KCNH1: variants seen among roughly 807,000 people sequenced by gnomAD.
KCNH1 encodes the protein voltage-gated delayed rectifier potassium channel KCNH1.
In KCNH1, 27 loss-of-function variants were observed where a neutral mutation model predicts 69.2. That is an observed-to-expected ratio of 0.39 (90% confidence interval 0.29 to 0.54). KCNH1 has a LOEUF of 0.54. Ranked by LOEUF, KCNH1 falls within the 20% of genes least tolerant of loss-of-function variation. KCNH1 has a pLI of 0.68. For synonymous variants in KCNH1, 456 were observed against 487.7 expected (o/e 0.93, Z 0.86); for missense variants, 798 against 1,261.6 (o/e 0.63, Z 5.57).
chr1:211,126,408 G>A (rs887526421), intron 1 of KCNH1, among the ~76,000 whole-genome samples: 1 of 152,022 alleles, frequency 6.6e-6, no homozygotes, highest in Non-Finnish European at 1.5e-5. Context: ...TACTCGGGAG[G>A]CTGAGGCAGG....
chr1:211,081,945 A>G (rs537950779), intron 5 of KCNH1, among the ~76,000 whole-genome samples: 1 of 152,338 alleles, frequency 6.6e-6, no homozygotes, highest in Admixed American at 6.5e-5. Flanking sequence ...GTGCACATGT[A>G]CCCTAGAACT....
intron 2 of KCNH1, among the ~76,000 whole-genome samples, chr1:211,105,402 T>C (rs1291160057): frequency 2.6e-5 from 4 of 152,210 alleles, no homozygotes; most frequent in African/African-American, 7.2e-5. Flanking sequence ...TTATACCTAG[T>C]TTTCATTCAT....
At chr1:211,124,380 T>C (rs1271709121) in intron 1 of KCNH1, among the ~76,000 whole-genome samples, 1 of 152,338 alleles carries the variant, frequency 6.6e-6, no homozygotes, top group East Asian at 1.9e-4. Context: ...CACTTTTGGC[T>C]CATGCCTATA....
At chr1:210,985,701 A>C (rs896517316) in intron 6 of KCNH1, among the ~76,000 whole-genome samples, 13 of 152,164 alleles carry the variant, frequency 8.5e-5, no homozygotes, top group Admixed American at 1.3e-4. Flanking sequence ...CTTTACTTCC[A>C]ACTATGTGGT....
chr1:210,984,821 C>G (rs1688796412), intron 6 of KCNH1, among the ~76,000 whole-genome samples: 1 of 152,176 alleles, frequency 6.6e-6, no homozygotes, highest in African/African-American at 2.4e-5. Flanking sequence ...GGAGGATTCC[C>G]TCTTTTTCTA....
intron 1 of KCNH1, among the ~76,000 whole-genome samples, chr1:211,112,244 T>A (rs1691482967): frequency 6.6e-6 from 1 of 150,916 alleles, no homozygotes; most frequent in Non-Finnish European, 1.5e-5. Flanking sequence ...GCCGCTGCAC[T>A]GTCTGGGAAG....
chr1:211,131,182 T>C (rs570267205), intron 1 of KCNH1, among the ~76,000 whole-genome samples: 22 of 152,176 alleles, frequency 1.4e-4, no homozygotes, highest in Non-Finnish European at 2.6e-4. Context: ...GCAGACTAGA[T>C]AATATTTAAG....
chr1:210,831,100 T>C (rs1455384604), intron 7 of KCNH1, among the ~76,000 whole-genome samples: 1 of 152,216 alleles, frequency 6.6e-6, no homozygotes, highest in East Asian at 1.9e-4. Flanking sequence ...AAAGCGTGAT[T>C]TTGTCATAAA....
In KCNH1 at chr1:210,802,094, T is replaced by A. The variant is rs147422489; in HGVS notation, c.1662+1873A>T. 3.9e-3 allele frequency among the ~76,000 whole-genome samples: 599 copies of A among 152,300 alleles called. 4 individuals carry two copies. The highest frequency in any genetic ancestry group is 0.014 in the African/African-American group (573 of 41,564). On this transcript the variant is annotated intron_variant, in intron 8 of 10. Transcript: ENST00000271751. ...TAACAGGGTTGCTGTGGAGGCTAAA[T>A]GAGACACTAGTGCAAGACCAGGCAT... is the stretch of plus-strand genomic sequence containing the variant.
chr1:211,053,680 T>C (rs1690249355), intron 5 of KCNH1, among the ~76,000 whole-genome samples: 1 of 152,184 alleles, frequency 6.6e-6, no homozygotes, highest in African/African-American at 2.4e-5. Flanking sequence ...CTAAAACTCT[T>C]ACAGAAAAGT....
intron 10 of KCNH1, among the ~76,000 whole-genome samples, chr1:210,756,260 TG>T (rs906807699): frequency 1.3e-5 from 2 of 152,234 alleles, no homozygotes; most frequent in African/African-American, 4.8e-5. Context: ...AGAGATCTTC[TG>T]ACAGAGTTAG....
At chr1:211,021,202 C>T (rs1186596192) in intron 5 of KCNH1, among the ~76,000 whole-genome samples, 1 of 152,086 alleles carries the variant, frequency 6.6e-6, no homozygotes, top group Non-Finnish European at 1.5e-5. Flanking sequence ...AAATTGGGTT[C>T]AGTGTATACT....
Position 211,080,383 on chromosome 1 carries a change from G to A in KCNH1, c.558+2397C>T, listed in dbSNP as rs1571630752. On this transcript the variant is annotated intron_variant, in intron 5 of 10. Coordinates refer to ENST00000271751, the MANE Select transcript of KCNH1 (RefSeq NM_172362.3). ...AGGAAGAAGCAATATCATGAAAATG[G>A]CCATACTGCCCAAAGTAATTTATAG... Among the ~76,000 whole-genome samples, 3 of 152,238 alleles carry A rather than the reference G, an allele frequency of 2.0e-5. No individual in the cohort carries two copies. In the East Asian group the frequency reaches 5.8e-4, roughly 29 times the overall value.
chr1:211,049,469 AT>A (rs1323693657), intron 5 of KCNH1, among the ~76,000 whole-genome samples: 1 of 152,206 alleles, frequency 6.6e-6, no homozygotes, highest in Non-Finnish European at 1.5e-5. Context: ...TGGCTGAAAC[AT>A]AGGGGGTTTT....
intron 7 of KCNH1, among the ~76,000 whole-genome samples, chr1:210,846,818 T>C (rs912627872): frequency 1.3e-5 from 2 of 152,184 alleles, no homozygotes; most frequent in South Asian, 4.1e-4. Flanking sequence ...AGAAAATTTT[T>C]GCAACCTACT....
chr1:210,860,246 C>A (rs1685948774), intron 7 of KCNH1: 1 of 1,472,618 alleles, frequency 6.8e-7, no homozygotes, highest in Non-Finnish European at 9.5e-7. Flanking sequence ...TGAAAGACTT[C>A]AAATACAAGG....
intron 7 of KCNH1, among the ~76,000 whole-genome samples, chr1:210,898,863 A>C (rs1433108553): frequency 1.3e-5 from 2 of 152,242 alleles, no homozygotes; most frequent in Non-Finnish European, 1.5e-5. Flanking sequence ...AGGTAAAGAC[A>C]GAACAAATAG....
intron 6 of KCNH1, among the ~76,000 whole-genome samples, chr1:210,992,730 AT>A (rs1558558064): frequency 6.6e-6 from 1 of 152,170 alleles, no homozygotes; most frequent in Non-Finnish European, 1.5e-5. Flanking sequence ...TTATACATCC[AT>A]TTCAAAAAAA....
intron 1 of KCNH1, among the ~76,000 whole-genome samples, chr1:211,118,968 G>A (rs556043107): frequency 3.3e-5 from 5 of 152,266 alleles, no homozygotes; most frequent in South Asian, 4.1e-4. Flanking sequence ...CACAATACAC[G>A]TCTAATAACT....
Sources: allele counts gnomAD v4.1 joint callset (sites outside exome capture counted in the v4.1 genomes callset), GRCh38; gene constraint gnomAD v4.1.1; transcripts MANE v1.5; gene names NCBI Gene and HGNC (gene_info 2026-07-23, HGNC 2026-07-21).